The following ACSS1 variants were observed in gnomAD, a reference collection of about 807,000 sequenced individuals.
ACSS1 encodes the protein acyl-CoA synthetase short chain family member 1.
Under a neutral mutation model 75.3 loss-of-function variants are expected in ACSS1, and 42 were observed. The observed-to-expected ratio is 0.56, with a 90% CI of 0.44 to 0.72. The LOEUF is 0.72. Among genes scored for constraint, ACSS1 ranks in the 30% least tolerant of loss-of-function variants. ACSS1 has a pLI of 0.00. For synonymous variants in ACSS1, 380 were observed against 376.8 expected (o/e 1.01, Z -0.10); for missense variants, 782 against 935.7 (o/e 0.84, Z 2.14).
At chr20:25,035,040 GCCCGCCA>G (rs1038859267) in intron 2 of ACSS1, among the ~76,000 whole-genome samples, 78 of 151,808 alleles carry the variant, frequency 5.1e-4, no homozygotes, top group African/African-American at 1.8e-3. Context: ...GACTACAGGT[GCCCGCCA>G]CCACGCCTGG....
intron 3 of ACSS1, among the ~76,000 whole-genome samples, chr20:25,026,212 C>T (rs1256921146): frequency 6.6e-6 from 1 of 152,188 alleles, no homozygotes; most frequent in South Asian, 2.1e-4. Context: ...GTCAGACTCA[C>T]AATATACACC....
chr20:25,053,635 G>A (rs73906071), intron 1 of ACSS1, among the ~76,000 whole-genome samples: 5,795 of 152,166 alleles, frequency 0.038, 390 homozygotes, highest in African/African-American at 0.13. Context: ...GGCGCACAGC[G>A]TCTTGCCGCT....
chr20:25,041,682 A>C (rs774899678), intron 2 of ACSS1, among the ~76,000 whole-genome samples: 2 of 152,272 alleles, frequency 1.3e-5, no homozygotes, highest in Non-Finnish European at 2.9e-5. Flanking sequence ...CCCACAATTT[A>C]GTTGTGAAGT....
chr20:25,029,838 G>T (rs1215880193), intron 3 of ACSS1, among the ~76,000 whole-genome samples: 1 of 152,166 alleles, frequency 6.6e-6, no homozygotes, highest in African/African-American at 2.4e-5. Context: ...TTTAGGGGAG[G>T]GGAATAATAA....
intron 4 of ACSS1, 27 bp downstream of exon 4, chr20:25,023,439 C>G: frequency 6.2e-7 from 1 of 1,613,428 alleles, no homozygotes; most frequent in Non-Finnish European, 8.5e-7. Flanking sequence ...GACCTCGCCT[C>G]AAACTGTGCA....
At chr20:25,020,210 G>C (rs778976693) in intron 6 of ACSS1, 63 bp from the exon 7 acceptor site, 35 of 1,604,680 alleles carry the variant, frequency 2.2e-5, no homozygotes, top group Non-Finnish European at 2.9e-5. Context: ...TAAACTCAGA[G>C]ATCAGCCAAG....
In ACSS1 at chr20:25,021,421, AG is replaced by A; in HGVS notation, c.1075del (p.Leu359PhefsTer18). 6.2e-7 allele frequency: 1 copy of A among 1,614,180 alleles called. No individual in the cohort carries two copies. Among genetic ancestry groups the A allele is most frequent in the Non-Finnish European group, 8.5e-7 (1 of 1,180,012 alleles). ...GGGATAAACTGGGGTGCTCTCAAAAAGGACGCTGGTGGCACCATTGCAGAGA... is the reference window on the plus strand; with the variant it reads ...GGGATAAACTGGGGTGCTCTCAAAAAGACGCTGGTGGCACCATTGCAGAGA... Reference protein sequence around the residue: ...GPLCNGATSVLFESTPVYPNA... With the variant: ...GPLCNGATSVXFESTPVYPNA... On this transcript the variant is annotated frameshift_variant, in exon 6 of 14. Transcript: ENST00000323482. LOFTEE classifies it high-confidence loss of function.
In ACSS1 at chr20:25,020,064, C is replaced by G. The variant is rs139812066; in HGVS notation, c.1192G>C (p.Gly398Arg). The G allele has an allele frequency of 6.8e-6, 11 of 1,614,234 alleles. No individual in the cohort carries two copies. The highest frequency in any genetic ancestry group is 1.7e-5 in the Admixed American group (1 of 60,032). The change falls in exon 7 of 14, where the codon GGT becomes CGT. Residue 398 changes from glycine (G) to arginine (R), a missense_variant. By Grantham distance (125) the Gly-to-Arg change is moderately radical (BLOSUM62 -2). Coordinates refer to ENST00000323482, the MANE Select transcript of ACSS1 (RefSeq NM_032501.4). ...PTAVRLLLKY[G>R]DAWVKKYDRS... The stretch of plus-strand genomic sequence containing the variant: ...TCATACTTCTTCACCCAGGCATCAC[C>G]GTATTTCAGCAACAGCCGGACAGCC...
intron 3 of ACSS1, among the ~76,000 whole-genome samples, chr20:25,025,211 C>T (rs551727260): frequency 6.5e-4 from 99 of 152,328 alleles, no homozygotes; most frequent in African/African-American, 2.4e-3. Flanking sequence ...AGTTCCTTCC[C>T]CACCTCCCAA....
chr20:25,023,632 T>A lies in ACSS1; in HGVS notation c.641A>T (p.Lys214Met). 1 of 1,604,340 alleles carries A rather than the reference T, an allele frequency of 6.2e-7. No homozygotes were observed. Among genetic ancestry groups the A allele is most frequent in the Non-Finnish European group, 8.5e-7 (1 of 1,174,768 alleles). ...LAGRINDAKCKVVITFNQGLR... is the reference protein window; with the variant it reads ...LAGRINDAKCMVVITFNQGLR... The stretch of plus-strand genomic sequence containing the variant: ...TCCTTGGTTGAAGGTGATAACCACC[T>A]TGCACTTGGCTAACAGAGACAACAC... The change falls in exon 4 of 14, where the codon AAG becomes ATG. Residue 214 changes from lysine (K) to methionine (M), a missense_variant. By Grantham distance (95) the Lys-to-Met change is moderately conservative. Around this residue, in one of 2 missense-constraint regions of ACSS1, gnomAD observed 377 missense variants for 383.1 expected, o/e 0.98. Coordinates refer to ENST00000323482, the MANE Select transcript of ACSS1 (RefSeq NM_032501.4).
intron 9 of ACSS1, 40 bp downstream of exon 9, chr20:25,013,921 G>A: frequency 6.3e-7 from 1 of 1,579,014 alleles, no homozygotes; most frequent in Non-Finnish European, 8.7e-7. Flanking sequence ...ACAAGGGAGG[G>A]CAAGCACATG....
At chr20:25,047,838 C>T in intron 2 of ACSS1, among the ~76,000 whole-genome samples, 1 of 152,176 alleles carries the variant, frequency 6.6e-6, no homozygotes, top group Non-Finnish European at 1.5e-5. Context: ...AACAACTCTA[C>T]TAAAGATGAT....
chr20:25,035,577 T>C (rs2088897349), intron 2 of ACSS1, among the ~76,000 whole-genome samples: 1 of 152,150 alleles, frequency 6.6e-6, no homozygotes, highest in African/African-American at 2.4e-5. Context: ...AGCTAATTTT[T>C]GTATTTTAGT....
At chr20:25,021,833 G>A (rs1348888190) in intron 5 of ACSS1, among the ~76,000 whole-genome samples, 2 of 152,184 alleles carry the variant, frequency 1.3e-5, no homozygotes, top group Non-Finnish European at 2.9e-5. Context: ...CATCAGCTTC[G>A]AGGAGCATGA....
chr20:25,057,836 G>A lies in ACSS1; in HGVS notation c.267C>T (p.Thr89=). Residue 89 remains threonine, a synonymous_variant, in exon 1 of 14, where the codon ACC becomes ACT. Transcript: ENST00000323482. ...DTLVWDTPYH[T]VWDCDFSTGK... ...CAGTGCTGAAGTCGCAGTCCCAGAC[G>A]GTGTGGTAGGGGGTGTCCCACACGA... 1.2e-6 allele frequency: 2 copies of A among 1,610,648 alleles called. No homozygotes were observed. The highest frequency in any genetic ancestry group is 8.5e-7 in the Non-Finnish European group (1 of 1,178,192).
At chr20:25,021,565 G>A (rs1568834715) in intron 5 of ACSS1, 29 bp from the exon 6 acceptor site, 1 of 1,608,444 alleles carries the variant, frequency 6.2e-7, no homozygotes, top group Non-Finnish European at 8.5e-7. Context: ...AGCATCAGGA[G>A]CTTGTCCCCC....
chr20:25,012,601 C>A lies in ACSS1; in HGVS notation c.1771G>T (p.Ala591Ser). The A allele has an allele frequency of 6.2e-7, 1 of 1,614,216 alleles. No homozygotes were observed. The highest frequency in any genetic ancestry group is 2.2e-5 in the East Asian group (1 of 44,880). Residue 591 changes from alanine to serine, a missense_variant and splice_region_variant, in exon 12 of 14, where the codon GCT becomes TCT. Ala to Ser is a moderately conservative substitution (Grantham distance 99). Transcript: ENST00000323482. ...IGYPHDIKGE[A>S]AFAFIVVKDS... ...AGGAGCTCATCTCCAGGACACTCACCTTCTCCTTTGATGTCGTGGGGGTAG... is the reference window on the plus strand; with the variant it reads ...AGGAGCTCATCTCCAGGACACTCACATTCTCCTTTGATGTCGTGGGGGTAG...
At chr20:25,042,558 T>C (rs1166196633) in intron 2 of ACSS1, among the ~76,000 whole-genome samples, 1 of 151,992 alleles carries the variant, frequency 6.6e-6, no homozygotes, top group Admixed American at 6.6e-5. Flanking sequence ...TGAGTTAGGA[T>C]CCTCCCCCAG....
At chr20:25,020,243 G>C (rs2088597112) in intron 6 of ACSS1, 96 bp from the exon 7 acceptor site, 8 of 1,532,798 alleles carry the variant, frequency 5.2e-6, no homozygotes, top group Non-Finnish European at 7.2e-6. Context: ...CTGGGCATGT[G>C]CAGACGCGCA....
Sources: gnomAD v4.1 joint callset for allele counts (sites outside exome capture counted in the v4.1 genomes callset) on GRCh38, gnomAD v4.1.1 for gene constraint, gnomAD v4.1.1 regional missense constraint, MANE v1.5 for transcripts, NCBI Gene and HGNC (gene_info 2026-07-23, HGNC 2026-07-21) for gene names.